VPS8: variants seen among roughly 807,000 people sequenced by gnomAD.
The protein encoded by VPS8 is VPS8 subunit of CORVET complex, also known as vacuolar protein sorting-associated protein 8 homolog.
VPS8 carries 129 observed loss-of-function variants against 216.4 expected under a neutral mutation model. The observed-to-expected ratio is 0.60, with a 90% CI of 0.52 to 0.69. VPS8 has a LOEUF of 0.69. Among genes scored for constraint, VPS8 ranks in the 30% least tolerant of loss-of-function variants. The pLI, the probability that VPS8 is intolerant of heterozygous loss-of-function variation, is 0.00. For synonymous variants in VPS8, 571 were observed against 565.4 expected, an observed-to-expected ratio of 1.01 and a Z score of -0.14; for missense variants, 1,531 against 1,683.5, an observed-to-expected ratio of 0.91 and a Z score of 1.59.
intron 21 of VPS8, chr3:184,885,842 C>A: frequency 3.2e-6 from 1 of 309,070 alleles, no homozygotes. Context: ...TCTGCTCCCT[C>A]TGTTAGAAAG....
chr3:184,978,103 A>G (rs1359923972), intron 40 of VPS8, among the ~76,000 whole-genome samples: 2 of 151,516 alleles, frequency 1.3e-5, no homozygotes, highest in African/African-American at 2.4e-5. Flanking sequence ...TACTGCTTCA[A>G]TTTCAGAACT....
At chr3:184,931,459 AT>A (rs372627544) in intron 34 of VPS8, among the ~76,000 whole-genome samples, 169 of 152,296 alleles carry the variant, frequency 1.1e-3, no homozygotes, top group African/African-American at 3.8e-3. Context: ...TAAAGATACG[AT>A]TATTCAACAT....
intron 25 of VPS8, among the ~76,000 whole-genome samples, chr3:184,906,991 G>T (rs1241914971): frequency 6.6e-6 from 1 of 152,190 alleles, no homozygotes; most frequent in East Asian, 1.9e-4. Flanking sequence ...CCAGGTCTCA[G>T]TCTGTTTAGA....
At chr3:184,947,562 T>A (rs1045240986) in intron 36 of VPS8, among the ~76,000 whole-genome samples, 8 of 151,582 alleles carry the variant, frequency 5.3e-5, no homozygotes, top group Non-Finnish European at 8.8e-5. Context: ...TTTTTTTTTT[T>A]AAATCAAAAT....
chr3:184,981,804 C>CTG (rs1476959237), intron 40 of VPS8, among the ~76,000 whole-genome samples: 2 of 152,254 alleles, frequency 1.3e-5, no homozygotes, highest in South Asian at 2.1e-4. Context: ...AATTGACTGG[C>CTG]TGTGTGATCT....
chr3:184,902,627 C>T lies in VPS8; in HGVS notation c.2146+1655C>T, dbSNP rs932579739. On this transcript the variant is annotated intron_variant, in intron 25 of 47. Coordinates refer to ENST00000625842, the MANE Select transcript of VPS8 (RefSeq NM_001009921.3). ...TGGGCGGATCACGAGGTCAGGAGTT[C>T]GAGACCAGCCTGGCCAACATGGTGA... Among the ~76,000 whole-genome samples, 5 of 151,276 alleles carry T rather than the reference C, an allele frequency of 3.3e-5. No individual in the cohort carries two copies. In the East Asian group the frequency reaches 5.8e-4, roughly 18 times the overall value.
At chr3:184,908,794 T>C (rs112465997) in intron 25 of VPS8, among the ~76,000 whole-genome samples, 324 of 152,282 alleles carry the variant, frequency 2.1e-3, no homozygotes, top group African/African-American at 7.5e-3. Context: ...AGAGAGGGGA[T>C]ACAGGGGTGG....
intron 42 of VPS8, among the ~76,000 whole-genome samples, chr3:184,985,684 A>G (rs1577066881): frequency 6.6e-6 from 1 of 152,336 alleles, no homozygotes; most frequent in East Asian, 1.9e-4. Flanking sequence ...AACAAGGCCA[A>G]TCAGTGTGCT....
In VPS8 at chr3:184,964,562, CACTTT is replaced by C. The variant is rs1378523327; in HGVS notation, c.3273+9_3273+13del. On this transcript the variant is annotated splice_donor_region_variant and intron_variant, in intron 38 of 47. Transcript: ENST00000625842. ...GCCTTCCTAATAATGTTAGAGGTAA[CACTTT>C]ACTATGTTTCTTTCATCATATTTCT... The C allele has an allele frequency of 6.8e-7, 1 of 1,459,868 alleles. No homozygotes were observed. Among genetic ancestry groups the C allele is most frequent in the Non-Finnish European group, 9.2e-7 (1 of 1,085,266 alleles). 90.4% of individuals were successfully genotyped at this position (1,459,868 alleles called of 1,614,324 possible).
chr3:184,920,226 A>G, intron 29 of VPS8, 28 bp downstream of exon 29: 1 of 1,388,640 alleles, frequency 7.2e-7, no homozygotes, highest in East Asian at 2.6e-5. Flanking sequence ...ACATGTCTTT[A>G]TATTGATATT....
intron 46 of VPS8, among the ~76,000 whole-genome samples, chr3:185,032,438 G>T (rs1167535799): frequency 6.6e-6 from 1 of 152,102 alleles, no homozygotes; most frequent in Non-Finnish European, 1.5e-5. Context: ...AAGCTAGAAA[G>T]AACCAGGTAT....
chr3:184,971,891 A>G lies in VPS8; in HGVS notation c.3420+139A>G, dbSNP rs529367129. ...GGAGTTTGAGACCAGCCTGACCAAC[A>G]TGGAGAAATCCCATCTTTACTAAAA... On this transcript the variant is annotated intron_variant, in intron 40 of 47. Coordinates refer to ENST00000625842, the MANE Select transcript of VPS8 (RefSeq NM_001009921.3). 5.6e-5 allele frequency: 35 copies of G among 627,562 alleles called. No individual in the cohort carries two copies. In the South Asian group the frequency reaches 5.9e-4, roughly 11 times the overall value. The allele number at this position is 627,562 out of a possible 1,614,324, so 38.9% of individuals were successfully genotyped here.
At position 185,031,063 on chromosome 3, in the gene VPS8, G is replaced by GTTTTTTTT. The variant is rs765510619; in HGVS notation, c.4056+6695_4056+6702dup. ...AATTTTTGTTGAATTACAGGTTGGC[G>GTTTTTTTT]TTTTTTTTTTTTTTTTTTTTTTTTT... On this transcript the variant is annotated intron_variant, in intron 46 of 47. Coordinates refer to ENST00000625842, the MANE Select transcript of VPS8 (RefSeq NM_001009921.3). Among the ~76,000 whole-genome samples the GTTTTTTTT allele has an allele frequency of 5.9e-4, 38 of 64,358 alleles. 3 individuals are homozygous for GTTTTTTTT. Among genetic ancestry groups the GTTTTTTTT allele is most frequent in the African/African-American group, 2.3e-3 (33 of 14,510 alleles). The allele number at this position is 64,358 out of a possible 152,430, so 42.2% of individuals were successfully genotyped here. A position where few individuals can be genotyped will look rare whatever the true frequency, so the allele number is the denominator to read the frequency against.
intron 23 of VPS8, among the ~76,000 whole-genome samples, chr3:184,895,274 C>T (rs115653191): frequency 0.018 from 2,784 of 152,048 alleles, 95 homozygotes; most frequent in African/African-American, 0.064. Context: ...TAATTTTCAT[C>T]GAGCAAGTGA....
intron 21 of VPS8, among the ~76,000 whole-genome samples, chr3:184,877,893 A>G (rs1729566350): frequency 6.6e-6 from 1 of 152,226 alleles, no homozygotes; most frequent in Non-Finnish European, 1.5e-5. Context: ...ATACCTGAAC[A>G]ATTGACTGAT....
intron 34 of VPS8, among the ~76,000 whole-genome samples, chr3:184,932,913 A>C (rs1171212162): frequency 6.6e-6 from 1 of 152,214 alleles, no homozygotes; most frequent in Non-Finnish European, 1.5e-5. Flanking sequence ...GTCTGTTCAC[A>C]ATCATCCGTA....
At chr3:184,944,650 A>T (rs992195385) in intron 36 of VPS8, 1 of 944,754 alleles carries the variant, frequency 1.1e-6, no homozygotes, top group Non-Finnish European at 1.3e-6. Context: ...ATGTTGATTT[A>T]GCCTTTGTTA....
intron 1 of VPS8, among the ~76,000 whole-genome samples, chr3:184,821,582 C>T (rs2108492294): frequency 6.6e-6 from 1 of 152,084 alleles, no homozygotes; most frequent in East Asian, 1.9e-4. Flanking sequence ...AACTCCTGAG[C>T]TCAGGAAATC....
In VPS8 at chr3:184,986,019, G is replaced by GA. The variant is rs1177614175; in HGVS notation, c.3585+2928dup. Among the ~76,000 whole-genome samples, 8 of 152,280 alleles carry GA rather than the reference G, an allele frequency of 5.3e-5. No homozygotes were observed. The East Asian group carries it at 1.3e-3, about 26-fold the overall frequency. Reference sequence around the variant, plus strand: ...CCAGCATTCCTCTTCTTAGATCTGTGAAATACCCTAGCATCTTTACAATAA... The same window carrying GA: ...CCAGCATTCCTCTTCTTAGATCTGTGAAAATACCCTAGCATCTTTACAATAA... On this transcript the variant is annotated intron_variant, in intron 42 of 47. Transcript: ENST00000625842.
Sources: gnomAD v4.1 joint callset for allele counts (sites outside exome capture counted in the v4.1 genomes callset) on GRCh38, gnomAD v4.1.1 for gene constraint, MANE v1.5 for transcripts, NCBI Gene and HGNC (gene_info 2026-07-23, HGNC 2026-07-21) for gene names.